THEMIS: variants seen among roughly 807,000 people sequenced by gnomAD.
The protein encoded by THEMIS is thymocyte selection associated, also known as protein THEMIS.
THEMIS carries 37 observed loss-of-function variants against 52.6 expected under a neutral mutation model. The ratio of observed to expected loss-of-function variants is 0.70; its 90% CI spans 0.54 to 0.93. THEMIS has a LOEUF of 0.93. Among genes scored for constraint, THEMIS ranks in the 40% least tolerant of loss-of-function variants. THEMIS has a pLI of 0.00. For synonymous variants in THEMIS, 292 were observed against 272.7 expected (o/e 1.07, Z -0.70); for missense variants, 808 against 763.1 (o/e 1.06, Z -0.69).
chr6:127,762,993 A>G (rs1776073551), intron 4 of THEMIS, among the ~76,000 whole-genome samples: 1 of 152,002 alleles, frequency 6.6e-6, no homozygotes, highest in African/African-American at 2.4e-5. Context: ...CCATACAACC[A>G]TTATATAAGT....
intron 4 of THEMIS, among the ~76,000 whole-genome samples, chr6:127,788,387 G>C (rs1280062587): frequency 6.6e-5 from 10 of 151,966 alleles, no homozygotes; most frequent in Admixed American, 6.6e-4. Context: ...TACAGCTTTT[G>C]GTATTGAATA....
chr6:127,780,959 T>G (rs1041507242), intron 4 of THEMIS, among the ~76,000 whole-genome samples: 6 of 152,154 alleles, frequency 3.9e-5, no homozygotes, highest in Non-Finnish European at 8.8e-5. Context: ...GTTGGGGAAG[T>G]TCTCCTGAAT....
intron 4 of THEMIS, among the ~76,000 whole-genome samples, chr6:127,786,006 T>A (rs1442575032): frequency 6.6e-6 from 1 of 152,152 alleles, no homozygotes; most frequent in Non-Finnish European, 1.5e-5. Flanking sequence ...GGAGATCTTT[T>A]TAGGAAGCAG....
rs117107128 is a variant in THEMIS, at chr6:127,755,772, C to T, written c.1759-35949G>A. On this transcript the variant is annotated intron_variant, in intron 4 of 5. Coordinates refer to ENST00000368248, the MANE Select transcript of THEMIS (RefSeq NM_001010923.3). ...TTTCAGTTGAACGCAGTGGCTCACACTTGTGACACCAGCACTTTGGGAGGC... is the reference window on the plus strand; with the variant it reads ...TTTCAGTTGAACGCAGTGGCTCACATTTGTGACACCAGCACTTTGGGAGGC... Among the ~76,000 whole-genome samples the T allele has an allele frequency of 2.6e-5, 4 of 152,244 alleles. No homozygotes were observed. The East Asian group carries it at 7.7e-4, about 29-fold the overall frequency.
chr6:127,873,188 G>C (rs909295396), intron 1 of THEMIS, among the ~76,000 whole-genome samples: 1 of 152,150 alleles, frequency 6.6e-6, no homozygotes, highest in Admixed American at 6.5e-5. Context: ...TTCATTGAAA[G>C]TCTCAACAAC....
chr6:127,899,654 A>C (rs1221955156), intron 1 of THEMIS, among the ~76,000 whole-genome samples: 1 of 151,838 alleles, frequency 6.6e-6, no homozygotes, highest in Non-Finnish European at 1.5e-5. Flanking sequence ...GATAAAAACA[A>C]CATAGGAAAA....
In THEMIS at chr6:127,797,343, C is replaced by A. The variant is rs571807470; in HGVS notation, c.1758+15540G>T. On this transcript the variant is annotated intron_variant, in intron 4 of 5. Coordinates refer to ENST00000368248, the MANE Select transcript of THEMIS (RefSeq NM_001010923.3). ...ACCACACAAGTTTCTTTGACTAAGG[C>A]TAAGAATGTACCACTACCACCCTCA... Among the ~76,000 whole-genome samples, 395 of 152,220 alleles carry A rather than the reference C, an allele frequency of 2.6e-3. 3 individuals carry two copies. The highest frequency in any genetic ancestry group is 5.8e-3 in the Admixed American group (88 of 15,296).
At chr6:127,773,175 G>A (rs1482080058) in intron 4 of THEMIS, among the ~76,000 whole-genome samples, 3 of 152,146 alleles carry the variant, frequency 2.0e-5, no homozygotes, top group Non-Finnish European at 4.4e-5. Flanking sequence ...TCCTTGGGGA[G>A]TAAGACAAAG....
At chr6:127,851,108 GA>G (rs935151093) in intron 2 of THEMIS, among the ~76,000 whole-genome samples, 3 of 151,130 alleles carry the variant, frequency 2.0e-5, no homozygotes, top group South Asian at 2.1e-4. Flanking sequence ...AGGGGCAGAG[GA>G]AAAAAAGTAT....
Position 127,813,127 on chromosome 6 carries a change from G to A in THEMIS, c.1514C>T (p.Pro505Leu), listed in dbSNP as rs917048654. The change falls in exon 4 of 6, where the codon CCT becomes CTT. Residue 505 changes from proline (P) to leucine (L), a missense_variant. Transcript: ENST00000368248. ...FANPTECWEI[P>L]VGRLNMTVQL... ...AACAGTCATATTCAAGCGGCCCACAGGAATTTCCCAGCACTCCGTGGGGTT... is the reference window on the plus strand; with the variant it reads ...AACAGTCATATTCAAGCGGCCCACAAGAATTTCCCAGCACTCCGTGGGGTT... The A allele has an allele frequency of 6.2e-6, 10 of 1,614,058 alleles. No homozygotes were observed. The highest frequency in any genetic ancestry group is 1.7e-5 in the Admixed American group (1 of 59,990).
intron 4 of THEMIS, among the ~76,000 whole-genome samples, chr6:127,726,999 T>C (rs1365613961): frequency 6.6e-6 from 1 of 152,194 alleles, no homozygotes; most frequent in African/African-American, 2.4e-5. Context: ...TTCCTTCTAC[T>C]CTCAAAGATG....
chr6:127,789,891 C>T (rs1018537563), intron 4 of THEMIS, among the ~76,000 whole-genome samples: 2 of 152,130 alleles, frequency 1.3e-5, no homozygotes, highest in African/African-American at 2.4e-5. Context: ...ATAATAAGAG[C>T]CATTTATGAC....
At chr6:127,702,238 TCAACTGTTTGTC>T in the THEMIS span, among the ~76,000 whole-genome samples, 2 of 152,208 alleles carry the variant, frequency 1.3e-5, no homozygotes, top group Admixed American at 1.3e-4. Flanking sequence ...CTTACAAAAG[TCAACTGTTTGTC>T]CAATTGATGT....
chr6:127,747,210 CATATT>C (rs1443802319), intron 4 of THEMIS, among the ~76,000 whole-genome samples: 1 of 134,310 alleles, frequency 7.4e-6, no homozygotes, highest in Non-Finnish European at 1.5e-5. Context: ...ATCATATCTG[CATATT>C]ATATTATATG....
chr6:127,888,242 C>T (rs1317458131), intron 1 of THEMIS, among the ~76,000 whole-genome samples: 2 of 151,802 alleles, frequency 1.3e-5, no homozygotes, highest in East Asian at 1.9e-4. Context: ...GACTTATTAC[C>T]CATATAAGAT....
intron 1 of THEMIS, among the ~76,000 whole-genome samples, chr6:127,857,056 C>T (rs1583359797): frequency 7.0e-6 from 1 of 142,130 alleles, no homozygotes; most frequent in African/African-American, 2.5e-5. Context: ...CCTGTTCATT[C>T]ATTCAGCAAA....
At chr6:127,707,609 T>A (rs1773830204), downstream of THEMIS, among the ~76,000 whole-genome samples, 1 of 152,052 alleles carries the variant, frequency 6.6e-6, no homozygotes, top group African/African-American at 2.4e-5. Context: ...CATGGTAAAA[T>A]CAAAAGAATA....
intron 2 of THEMIS, among the ~76,000 whole-genome samples, chr6:127,851,320 C>T (rs1583352243): frequency 6.6e-6 from 1 of 151,596 alleles, no homozygotes; most frequent in East Asian, 1.9e-4. Context: ...AGACTAAACT[C>T]AAAGATTCAT....
At chr6:127,741,351 G>T (rs1299337929) in intron 4 of THEMIS, among the ~76,000 whole-genome samples, 1 of 152,032 alleles carries the variant, frequency 6.6e-6, no homozygotes, top group African/African-American at 2.4e-5. Flanking sequence ...GAAAATAGCT[G>T]ATAGAACAGC....
Sources: gnomAD v4.1 joint callset for allele counts (sites outside exome capture counted in the v4.1 genomes callset) on GRCh38, gnomAD v4.1.1 for gene constraint, MANE v1.5 for transcripts, NCBI Gene and HGNC (gene_info 2026-07-23, HGNC 2026-07-21) for gene names.